Variants in SCNN1G observed in about 807,000 individuals in gnomAD.
SCNN1G encodes the protein epithelial sodium channel subunit gamma.
Under a neutral mutation model 64.6 loss-of-function variants are expected in SCNN1G, and 27 were observed. The observed-to-expected ratio is 0.42, with a 90% CI of 0.31 to 0.58. SCNN1G has a LOEUF of 0.58. SCNN1G is among the 20% of genes least tolerant of loss of function. The pLI is 0.18. For missense variants in SCNN1G, 743 were observed against 823.4 expected (o/e 0.90, Z 1.19); for synonymous variants, 330 against 314.2 (o/e 1.05, Z -0.53).
chr16:23,190,224 A>G (rs937765613), intron 3 of SCNN1G, among the ~76,000 whole-genome samples: 1 of 152,110 alleles, frequency 6.6e-6, no homozygotes, highest in African/African-American at 2.4e-5. Context: ...TGTTCTGCAC[A>G]TGTATCCCAG....
Position 23,215,365 on chromosome 16 carries a change from G to C in SCNN1G, c.1846G>C (p.Gly616Arg). ...TGCTTTGCACCTGCCTCCAGCCCTA[G>C]GAACCCAAGTGCCCGGCACACCGCC... ...NSALHLPPAL[G>R]TQVPGTPPPK... is the part of the protein sequence containing the mutation. The change falls in exon 13 of 13, where the codon GGA (glycine) becomes CGA (arginine). Residue 616 changes from glycine to arginine, a missense_variant. Transcript: ENST00000300061. The C allele has an allele frequency of 6.2e-7, 1 of 1,614,108 alleles. No homozygotes were observed. Among genetic ancestry groups the C allele is most frequent in the Non-Finnish European group, 8.5e-7 (1 of 1,180,036 alleles).
chr16:23,187,177 T>A (rs970882196), intron 2 of SCNN1G, among the ~76,000 whole-genome samples: 1 of 148,922 alleles, frequency 6.7e-6, no homozygotes, highest in Admixed American at 6.7e-5. Flanking sequence ...GGTGCAATCA[T>A]AGCTCCCTGC....
At chr16:23,204,169 C>T (rs532852387) in intron 6 of SCNN1G, among the ~76,000 whole-genome samples, 1 of 150,398 alleles carries the variant, frequency 6.6e-6, no homozygotes, top group Non-Finnish European at 1.5e-5. Context: ...GTCCCAGCTA[C>T]TTGGGAGGCT....
chr16:23,204,111 T>C (rs1265058343), intron 6 of SCNN1G, among the ~76,000 whole-genome samples: 1 of 150,572 alleles, frequency 6.6e-6, no homozygotes, highest in Non-Finnish European at 1.5e-5. Flanking sequence ...ACACCCCATC[T>C]CTACAAAAAA....
chr16:23,185,865 C>T (rs1425916732), intron 1 of SCNN1G, among the ~76,000 whole-genome samples: 1 of 152,148 alleles, frequency 6.6e-6, no homozygotes, highest in Non-Finnish European at 1.5e-5. Context: ...GCACGGGTAC[C>T]CCTGCCTGAT....
At chr16:23,212,437 G>A (rs941539703) in intron 8 of SCNN1G, among the ~76,000 whole-genome samples, 1 of 152,200 alleles carries the variant, frequency 6.6e-6, no homozygotes, top group African/African-American at 2.4e-5. Context: ...AGGTCACACA[G>A]CCAGAAAGGA....
chr16:23,207,312 G>A (rs530829124), intron 6 of SCNN1G, among the ~76,000 whole-genome samples: 2 of 152,224 alleles, frequency 1.3e-5, no homozygotes, highest in Non-Finnish European at 2.9e-5. Flanking sequence ...GCTAGAGCCT[G>A]TAGCTGACAC....
intron 6 of SCNN1G, among the ~76,000 whole-genome samples, chr16:23,207,959 C>T (rs1960017322): frequency 6.6e-6 from 1 of 152,032 alleles, no homozygotes; most frequent in Non-Finnish European, 1.5e-5. Flanking sequence ...TTCTCTTTAC[C>T]CCCATCTCCC....
rs897053291 is a variant in SCNN1G, at chr16:23,215,919, T to A, written c.*450T>A. 7 of 220,200 alleles carry A rather than the reference T, an allele frequency of 3.2e-5. No homozygotes were observed. The highest frequency in any genetic ancestry group is 1.5e-4 in the South Asian group (2 of 13,398). 13.6% of individuals were successfully genotyped at this position (220,200 alleles called of 1,614,324 possible). On this transcript the variant is annotated 3_prime_UTR_variant, in exon 13 of 13. Coordinates refer to ENST00000300061, the MANE Select transcript of SCNN1G (RefSeq NM_001039.4). ...TCAAGGCTGGACAGCTACTGCCAGATGCCAAAGATAGGAGAAAGTGCCAGC... is the reference window on the plus strand; with the variant it reads ...TCAAGGCTGGACAGCTACTGCCAGAAGCCAAAGATAGGAGAAAGTGCCAGC...
At chr16:23,196,755 A>G (rs1420251107) in intron 5 of SCNN1G, among the ~76,000 whole-genome samples, 1 of 152,158 alleles carries the variant, frequency 6.6e-6, no homozygotes, top group African/African-American at 2.4e-5. Flanking sequence ...TCCCATGTGC[A>G]CTGATACTGT....
At chr16:23,187,306 G>A (rs531027196) in intron 2 of SCNN1G, among the ~76,000 whole-genome samples, 28 of 151,952 alleles carry the variant, frequency 1.8e-4, no homozygotes, top group African/African-American at 5.6e-4. Context: ...ATGGGGTCTC[G>A]CTATGTTACT....
At chr16:23,188,019 T>TCC (rs1959642930) in intron 2 of SCNN1G, among the ~76,000 whole-genome samples, 1 of 150,398 alleles carries the variant, frequency 6.6e-6, no homozygotes, top group Non-Finnish European at 1.5e-5. Flanking sequence ...CCTCCCTCCT[T>TCC]CTCTCTCTCT....
chr16:23,208,900 C>T (rs1960035951), intron 6 of SCNN1G, among the ~76,000 whole-genome samples: 1 of 151,950 alleles, frequency 6.6e-6, no homozygotes, highest in African/African-American at 2.4e-5. Context: ...CTGAGCCTGG[C>T]CCCTGCTCAT....
At chr16:23,212,606 T>G (rs1260166627) in intron 8 of SCNN1G, 72 bp from the exon 9 acceptor site, 2 of 1,172,880 alleles carry the variant, frequency 1.7e-6, no homozygotes, top group African/African-American at 3.0e-5. Flanking sequence ...GGGCTGTCCT[T>G]GGTGACCTGG....
chr16:23,210,372 C>G (rs1960060491), intron 7 of SCNN1G, among the ~76,000 whole-genome samples: 1 of 152,136 alleles, frequency 6.6e-6, no homozygotes, highest in Non-Finnish European at 1.5e-5. Context: ...ATCCAGATTT[C>G]CAGCCTCTCG....
chr16:23,200,151 T>C (rs929154629), intron 6 of SCNN1G, among the ~76,000 whole-genome samples: 1 of 152,190 alleles, frequency 6.6e-6, no homozygotes, highest in South Asian at 2.1e-4. Context: ...CCTGGTTGAT[T>C]ATCAGACTCA....
rs1380389604 is a variant in SCNN1G at position 23,192,499 on chromosome 16, C to T, written c.766C>T (p.Leu256=). 6.2e-7 allele frequency: 1 copy of T among 1,612,854 alleles called. No individual in the cohort carries two copies. The highest frequency in any genetic ancestry group is 1.1e-5 in the South Asian group (1 of 91,018). ...CAACATGAGCTATTCTGCTGAGGAG[C>T]TGCTGGTGACCTGCTTCTTTGATGG... ...KINMSYSAEE[L]LVTCFFDGVS... Residue 256 remains leucine (L), a synonymous_variant, in exon 4 of 13, where the codon CTG becomes TTG. Transcript: ENST00000300061.
intron 1 of SCNN1G, among the ~76,000 whole-genome samples, chr16:23,183,883 C>T (rs1046930188): frequency 4.6e-5 from 7 of 152,202 alleles, no homozygotes; most frequent in Admixed American, 2.0e-4. Flanking sequence ...AATCCCAGCT[C>T]AGCCACTTTC....
intron 1 of SCNN1G, among the ~76,000 whole-genome samples, chr16:23,183,518 CA>C (rs1441119854): frequency 6.6e-6 from 1 of 152,182 alleles, no homozygotes; most frequent in Admixed American, 6.5e-5. Context: ...GGATGGGGGA[CA>C]GGCAAAGTCG....
Sources: allele counts gnomAD v4.1 joint callset (sites outside exome capture counted in the v4.1 genomes callset), GRCh38; gene constraint gnomAD v4.1.1; transcripts MANE v1.5; gene names NCBI Gene and HGNC (gene_info 2026-07-23, HGNC 2026-07-21).